Variants in SVEP1 observed in about 807,000 individuals in gnomAD.
SVEP1 encodes sushi, von Willebrand factor type A, EGF and pentraxin domain containing 1.
SVEP1 carries 164 observed loss-of-function variants against 367.3 expected under a neutral mutation model. That is an observed-to-expected ratio of 0.45 (90% CI 0.39 to 0.51). SVEP1 has a LOEUF of 0.51. SVEP1 is among the 20% of genes least tolerant of loss of function. The pLI, the probability that SVEP1 is intolerant of heterozygous loss-of-function variation, is 0.00. For missense variants in SVEP1, 4,117 were observed against 4,425.3 expected (o/e 0.93, Z 1.98); for synonymous variants, 1,666 against 1,611.6 (o/e 1.03, Z -0.81).
intron 18 of SVEP1, among the ~76,000 whole-genome samples, chr9:110,465,420 G>T (rs1407813736): frequency 6.6e-6 from 1 of 152,180 alleles, no homozygotes; most frequent in Non-Finnish European, 1.5e-5. Context: ...TGATTCTAAT[G>T]TGCTGCCTGA....
At chr9:110,387,733 G>T (rs1017215542) in intron 41 of SVEP1, among the ~76,000 whole-genome samples, 1 of 152,142 alleles carries the variant, frequency 6.6e-6, no homozygotes, top group Admixed American at 6.5e-5. Flanking sequence ...TGGATGAGCA[G>T]GTGGGTAAAA....
In SVEP1 at chr9:110,465,996, C is replaced by G; in HGVS notation, c.3191G>C (p.Ser1064Thr). ...ACACGATTCACAAGTCTCAAGTCCA[C>G]TGTATGAGTAGGTGCCTTGTTTACA... Reference protein sequence around the residue: ...AQCKQGTYSYSGLETCESCPL... With the variant: ...AQCKQGTYSYTGLETCESCPL... The change falls in exon 18 of 48, where the codon AGT (serine) becomes ACT (threonine). Residue 1064 changes from serine (S) to threonine (T), a missense_variant. Around this residue, in one of 4 missense-constraint regions of SVEP1, gnomAD observed 2,174 missense variants for 2,494.3 expected, o/e 0.87. Coordinates refer to ENST00000374469, the MANE Select transcript of SVEP1 (RefSeq NM_153366.4). 1 of 1,613,616 alleles carries G rather than the reference C, an allele frequency of 6.2e-7. No homozygotes were observed. The highest frequency in any genetic ancestry group is 2.2e-5 in the East Asian group (1 of 44,886).
chr9:110,384,887 G>A (rs1055571379), intron 43 of SVEP1, among the ~76,000 whole-genome samples: 9 of 152,300 alleles, frequency 5.9e-5, no homozygotes, highest in Middle Eastern at 3.4e-3. Flanking sequence ...GCCTCTGGTC[G>A]GACTCAATGA....
In SVEP1 at chr9:110,494,653, A is replaced by G. The variant is rs1245703496; in HGVS notation, c.1800+2162T>C. 3.9e-5 allele frequency among the ~76,000 whole-genome samples: 6 copies of G among 152,242 alleles called. No homozygotes were observed. In the South Asian group the frequency reaches 1.0e-3, roughly 26 times the overall value. ...GAATAATCAGAGACAAAAGACAAAG[A>G]CTTAGTACAAGGATGTTCATGACAG... On this transcript the variant is annotated intron_variant, in intron 8 of 47. Coordinates refer to ENST00000374469, the MANE Select transcript of SVEP1 (RefSeq NM_153366.4).
chr9:110,430,121 T>TTC (rs768856384), intron 33 of SVEP1, 117 bp from the exon 34 acceptor site: 19,013 of 1,157,092 alleles, frequency 0.016, 69 homozygotes, highest in Non-Finnish European at 0.02. Flanking sequence ...TTTTTTTTTT[T>TTC]TGGTGTGTGT....
intron 1 of SVEP1, among the ~76,000 whole-genome samples, chr9:110,560,072 G>A (rs1830406489): frequency 6.6e-6 from 1 of 152,080 alleles, no homozygotes; most frequent in South Asian, 2.1e-4. Context: ...TTTGGTCAAT[G>A]ACAGACCACA....
chr9:110,566,358 AT>A (rs1830494000), intron 1 of SVEP1, among the ~76,000 whole-genome samples: 1 of 148,866 alleles, frequency 6.7e-6, no homozygotes, highest in East Asian at 1.9e-4. Context: ...AAATAAATAA[AT>A]AAATAAATAA....
At chr9:110,458,819 C>T (rs1436611639) in intron 19 of SVEP1, 133 bp downstream of exon 19, 1 of 1,140,582 alleles carries the variant, frequency 8.8e-7, no homozygotes, top group Non-Finnish European at 1.2e-6. Context: ...AAAAATACCT[C>T]AGAAGGACAA....
intron 7 of SVEP1, among the ~76,000 whole-genome samples, chr9:110,497,709 G>A (rs895741718): frequency 3.9e-5 from 6 of 152,212 alleles, no homozygotes; most frequent in South Asian, 2.1e-4. Flanking sequence ...TGAATTAGAC[G>A]TGCTAACGTT....
chr9:110,379,219 C>G (rs1199740560), intron 44 of SVEP1, 128 bp downstream of exon 44: 1 of 1,022,568 alleles, frequency 9.8e-7, no homozygotes, highest in Non-Finnish European at 1.4e-6. Flanking sequence ...AATTACACAG[C>G]TGCTAAAAGA....
Position 110,407,785 on chromosome 9 carries a change from G to A in SVEP1, c.7815C>T (p.Ile2605=), listed in dbSNP as rs1027107416. 1 of 1,613,968 alleles carries A rather than the reference G, an allele frequency of 6.2e-7. No homozygotes were observed. The highest frequency in any genetic ancestry group is 1.3e-5 in the African/African-American group (1 of 75,040). ...TCEESGWSSS[I]PTCMPIDCGL... ...CACAGTCTATTGGCATACATGTTGG[G>A]ATGGAACTTGACCATCCTGACTCTT... The change falls in exon 38 of 48, where the codon ATC becomes ATT. Residue 2605 remains isoleucine, a synonymous_variant. Coordinates refer to ENST00000374469, the MANE Select transcript of SVEP1 (RefSeq NM_153366.4).
chr9:110,482,286 T>C (rs1829203652), intron 11 of SVEP1, 75 bp downstream of exon 11: 3 of 1,450,740 alleles, frequency 2.1e-6, no homozygotes, highest in Admixed American at 2.4e-5. Flanking sequence ...CTATTTTCTT[T>C]CATAAAACAG....
chr9:110,432,674 C>A, intron 30 of SVEP1, 39 bp from the exon 31 acceptor site: 1 of 1,562,110 alleles, frequency 6.4e-7, no homozygotes, highest in Non-Finnish European at 8.6e-7. Flanking sequence ...ACATTAAGAG[C>A]AAAATACTCC....
chr9:110,467,587 G>A (rs915861119), intron 17 of SVEP1, among the ~76,000 whole-genome samples: 8 of 151,760 alleles, frequency 5.3e-5, no homozygotes, highest in East Asian at 1.9e-4. Flanking sequence ...TAGAGTTCTC[G>A]TGATACCTCG....
chr9:110,390,810 T>C (rs1385656516), intron 40 of SVEP1, among the ~76,000 whole-genome samples: 1 of 151,914 alleles, frequency 6.6e-6, no homozygotes, highest in East Asian at 1.9e-4. Context: ...TAAAAAAAAA[T>C]CCTGTCTGAT....
chr9:110,564,656 A>AT (rs568624782), intron 1 of SVEP1, among the ~76,000 whole-genome samples: 66 of 151,790 alleles, frequency 4.3e-4, no homozygotes, highest in Non-Finnish European at 7.9e-4. Flanking sequence ...AGTTTGTTTC[A>AT]TTTTTTTTAT....
At chr9:110,538,539 T>C (rs1830106282) in intron 3 of SVEP1, among the ~76,000 whole-genome samples, 1 of 152,114 alleles carries the variant, frequency 6.6e-6, no homozygotes, top group African/African-American at 2.4e-5. Context: ...TGGAGATTTG[T>C]GTGCATATAT....
At chr9:110,573,923 A>G (rs1830595174) in intron 1 of SVEP1, among the ~76,000 whole-genome samples, 1 of 152,236 alleles carries the variant, frequency 6.6e-6, no homozygotes. Flanking sequence ...TCACTGCTTT[A>G]GTCCTTGCAC....
chr9:110,393,395 G>A (rs752452205), intron 40 of SVEP1, among the ~76,000 whole-genome samples: 45 of 152,112 alleles, frequency 3.0e-4, no homozygotes, highest in Non-Finnish European at 4.6e-4. Flanking sequence ...GAAAAGTGGC[G>A]ATGAGATGGC....
Sources: allele counts gnomAD v4.1 joint callset (sites outside exome capture counted in the v4.1 genomes callset), GRCh38; gene constraint gnomAD v4.1.1; regional missense constraint gnomAD v4.1.1; transcripts MANE v1.5; gene names NCBI Gene and HGNC (gene_info 2026-07-23, HGNC 2026-07-21).